The following PRKN variants were observed in gnomAD, a reference collection of about 807,000 sequenced individuals.
PRKN encodes the protein E3 ubiquitin-protein ligase parkin.
In PRKN, 56 loss-of-function variants were observed where a neutral mutation model predicts 59.5. The observed-to-expected ratio is 0.94, with a 90% CI of 0.76 to 1.18. The LOEUF (loss-of-function observed/expected upper bound fraction) is 1.18, where lower values mean the gene tolerates loss of function less well. Ranked by LOEUF, PRKN falls within the 50% of genes most tolerant of loss-of-function variation. The pLI is 0.00. For synonymous variants in PRKN, 250 were observed against 222.1 expected, an observed-to-expected ratio of 1.13 and a Z score of -1.12; for missense variants, 657 against 596.4, an observed-to-expected ratio of 1.10 and a Z score of -1.06.
chr6:161,574,803 T>C (rs1259317211), intron 7 of PRKN, among the ~76,000 whole-genome samples: 2 of 152,346 alleles, frequency 1.3e-5, no homozygotes, highest in East Asian at 3.9e-4. Context: ...ATTGTTATTC[T>C]GTCCTTTCTA....
intron 1 of PRKN, among the ~76,000 whole-genome samples, chr6:162,573,945 C>A (rs1465781680): frequency 6.6e-6 from 1 of 152,124 alleles, no homozygotes; most frequent in Non-Finnish European, 1.5e-5. Context: ...GATTCCCATC[C>A]AAAGCAACTA....
chr6:161,827,194 TCA>T (rs1244101698), intron 6 of PRKN, among the ~76,000 whole-genome samples: 1 of 152,154 alleles, frequency 6.6e-6, no homozygotes, highest in Non-Finnish European at 1.5e-5. Context: ...TCACACTTAA[TCA>T]CAGTGAGCAC....
chr6:162,680,232 T>C (rs1232113155), intron 1 of PRKN, among the ~76,000 whole-genome samples: 2 of 151,114 alleles, frequency 1.3e-5, no homozygotes, highest in African/African-American at 4.8e-5. Context: ...ATGTACTATG[T>C]ACATGTATGT....
intron 6 of PRKN, among the ~76,000 whole-genome samples, chr6:161,786,908 G>T (rs1790443168): frequency 2.1e-5 from 1 of 48,540 alleles, no homozygotes; most frequent in Admixed American, 3.5e-4. Flanking sequence ...AAAATACTCT[G>T]TAGAAAAAAA....
rs1198682514 is a variant in PRKN at position 161,451,264 on chromosome 6, C to T, written c.1084-64387G>A. Reference sequence around the variant, plus strand: ...CTTTTATCCTACCGTCATCTCATTTCCAGATAAAACACCTCCAGTTTCTTC... The same window carrying T: ...CTTTTATCCTACCGTCATCTCATTTTCAGATAAAACACCTCCAGTTTCTTC... On this transcript the variant is annotated intron_variant, in intron 9 of 11. Transcript: ENST00000366898. This position sits in a 1 kb window ranked among gnomAD's most constrained non-coding sequence, Gnocchi z 5.9. Among the ~76,000 whole-genome samples the T allele has an allele frequency of 6.6e-6, 1 of 152,188 alleles. No individual in the cohort carries two copies. Among genetic ancestry groups the T allele is most frequent in the African/African-American group, 2.4e-5 (1 of 41,434 alleles).
intron 7 of PRKN, among the ~76,000 whole-genome samples, chr6:161,679,875 C>T (rs532553324): frequency 2.6e-5 from 4 of 151,328 alleles, no homozygotes; most frequent in Non-Finnish European, 4.4e-5. Context: ...CTGCCTCAGC[C>T]CCCCCAGGAG....
chr6:162,455,780 A>AT (rs1439274496), intron 1 of PRKN, among the ~76,000 whole-genome samples: 1 of 152,130 alleles, frequency 6.6e-6, no homozygotes, highest in Non-Finnish European at 1.5e-5. Flanking sequence ...AAATAAAATA[A>AT]TTTTATTATA....
chr6:162,343,670 G>GTACATTCA (rs1240309692), intron 2 of PRKN, among the ~76,000 whole-genome samples: 6 of 151,628 alleles, frequency 4.0e-5, no homozygotes, highest in African/African-American at 1.5e-4. Flanking sequence ...AGTTGTTTCT[G>GTACATTCA]TACATTCATT....
chr6:162,424,360 T>C (rs888860307), intron 2 of PRKN, among the ~76,000 whole-genome samples: 2 of 152,130 alleles, frequency 1.3e-5, no homozygotes, highest in African/African-American at 2.4e-5. Flanking sequence ...CCCTAGAATG[T>C]ACAACACCAA....
At chr6:162,570,351 G>C (rs2128208510) in intron 1 of PRKN, among the ~76,000 whole-genome samples, 1 of 152,266 alleles carries the variant, frequency 6.6e-6, no homozygotes, top group African/African-American at 2.4e-5. Flanking sequence ...CTCATATACT[G>C]TTGGTGAAAA....
intron 4 of PRKN, among the ~76,000 whole-genome samples, chr6:162,080,837 C>T (rs2023058): frequency 0.79 from 119,544 of 151,932 alleles, 47,159 homozygotes; most frequent in East Asian, 0.87. Flanking sequence ...GCAGCAGAAC[C>T]TTCAAAACTG....
At position 162,616,417 on chromosome 6, in the gene PRKN, C is replaced by T. The variant is rs1346726732; in HGVS notation, c.7+111245G>A. On this transcript the variant is annotated intron_variant, in intron 1 of 11. Transcript: ENST00000366898. ...GCACAACTTCTGCCCCACCCCGTTG[C>T]TATCACTGTAATTACCCCATTAAAT... 2.0e-5 allele frequency among the ~76,000 whole-genome samples: 3 copies of T among 152,116 alleles called. 1 individual carries two copies. Among genetic ancestry groups the T allele is most frequent in the Non-Finnish European group, 4.4e-5 (3 of 68,024 alleles).
intron 3 of PRKN, among the ~76,000 whole-genome samples, chr6:162,211,133 G>A (rs576419054): frequency 6.6e-6 from 1 of 152,236 alleles, no homozygotes; most frequent in Non-Finnish European, 1.5e-5. Flanking sequence ...GTCAGACGGT[G>A]GACTTTACAA....
In PRKN at chr6:161,410,864, A is replaced by G. The variant is rs975940276; in HGVS notation, c.1084-23987T>C. 6.6e-6 allele frequency among the ~76,000 whole-genome samples: 1 copy of G among 152,028 alleles called. No individual in the cohort carries two copies. The highest frequency in any genetic ancestry group is 2.4e-5 in the African/African-American group (1 of 41,380). On this transcript the variant is annotated intron_variant, in intron 9 of 11. Coordinates refer to ENST00000366898, the MANE Select transcript of PRKN (RefSeq NM_004562.3). This position sits in a 1 kb window ranked among gnomAD's most constrained non-coding sequence, Gnocchi z 5.3. ...GGATTCCTTAAAACCAAGCAAAGCAACTCATCACCTACCCATAAGAATAAC... is the reference window on the plus strand; with the variant it reads ...GGATTCCTTAAAACCAAGCAAAGCAGCTCATCACCTACCCATAAGAATAAC...
chr6:162,610,194 T>TC (rs1782089695), intron 1 of PRKN, among the ~76,000 whole-genome samples: 1 of 152,092 alleles, frequency 6.6e-6, no homozygotes, highest in African/African-American at 2.4e-5. Context: ...AGCACTGTTG[T>TC]CCCCATTTAG....
intron 5 of PRKN, among the ~76,000 whole-genome samples, chr6:162,034,166 T>TAC (rs1374484340): frequency 1.6e-5 from 2 of 121,370 alleles, no homozygotes; most frequent in Admixed American, 1.7e-4. Flanking sequence ...TGTGTACACA[T>TAC]ACATATATAT....
rs1293644576 is a variant in PRKN at position 161,385,539 on chromosome 6, G to T, written c.1167+1255C>A. ...AGGCGCCTGGATGGCTTTAGGTTAA[G>T]CAATGCTCTTCTTTCCCTTACAGCT... On this transcript the variant is annotated intron_variant, in intron 10 of 11. Coordinates refer to ENST00000366898, the MANE Select transcript of PRKN (RefSeq NM_004562.3). The surrounding 1 kb of genome is among the most constrained non-coding windows in gnomAD (Gnocchi z 4.9). Among the ~76,000 whole-genome samples the T allele has an allele frequency of 6.6e-6, 1 of 152,220 alleles. No homozygotes were observed. The highest frequency in any genetic ancestry group is 2.4e-5 in the African/African-American group (1 of 41,460).
chr6:162,295,024 T>C (rs1223019725), intron 2 of PRKN, among the ~76,000 whole-genome samples: 6 of 152,218 alleles, frequency 3.9e-5, no homozygotes, highest in Non-Finnish European at 8.8e-5. Context: ...AACATACATT[T>C]AATATACAGC....
At chr6:162,580,965 C>T (rs1780768152) in intron 1 of PRKN, among the ~76,000 whole-genome samples, 1 of 152,154 alleles carries the variant, frequency 6.6e-6, no homozygotes, top group Non-Finnish European at 1.5e-5. Context: ...AGCATACTTG[C>T]TGAATTGAGA....
Sources: gnomAD v4.1 joint callset for allele counts (sites outside exome capture counted in the v4.1 genomes callset) on GRCh38, gnomAD v4.1.1 for gene constraint, Gnocchi (gnomAD v3.1) non-coding constraint, MANE v1.5 for transcripts, NCBI Gene and HGNC (gene_info 2026-07-23, HGNC 2026-07-21) for gene names.